TMX2: variants seen among roughly 807,000 people sequenced by gnomAD.
The protein encoded by TMX2 is thioredoxin-related transmembrane protein 2.
A neutral mutation model predicts 33.4 loss-of-function variants in TMX2; 20 were observed. The ratio of observed to expected loss-of-function variants is 0.60; its 90% CI spans 0.42 to 0.87. The LOEUF is 0.87. Ranked by LOEUF, TMX2 falls within the 40% of genes least tolerant of loss-of-function variation. TMX2 has a pLI of 0.00. For synonymous variants in TMX2, 166 were observed against 140.7 expected (o/e 1.18, Z -1.27); for missense variants, 340 against 370.7 (o/e 0.92, Z 0.68).
intron 1 of TMX2, among the ~76,000 whole-genome samples, chr11:57,719,555 C>T (rs1177014480): frequency 3.6e-5 from 4 of 111,350 alleles, no homozygotes; most frequent in African/African-American, 1.0e-4. Context: ...GGGTCTCACT[C>T]TGTTGCCCAG....
chr11:57,719,791 T>C (rs1947462999), intron 1 of TMX2, among the ~76,000 whole-genome samples: 1 of 151,934 alleles, frequency 6.6e-6, no homozygotes, highest in South Asian at 2.1e-4. Flanking sequence ...GTGCTGGGAC[T>C]ATAGGCATGA....
Position 57,718,776 on chromosome 11 carries a change from C to T in TMX2, c.189+5969C>T, listed in dbSNP as rs1241611588. On this transcript the variant is annotated intron_variant, in intron 1 of 7. Coordinates refer to ENST00000278422, the MANE Select transcript of TMX2 (RefSeq NM_015959.4). ...GTTCAAGTAATTCTCCTGCCTCAGC[C>T]TCCCGAGAAGCTGGGACTACAGGTG... Among the ~76,000 whole-genome samples the T allele has an allele frequency of 2.7e-5, 4 of 150,732 alleles. No individual in the cohort carries two copies. The East Asian group carries it at 5.9e-4, about 22-fold the overall frequency.
Position 57,738,224 on chromosome 11 carries a change from A to G in TMX2, c.365-130A>G, listed in dbSNP as rs1461852067. On this transcript the variant is annotated intron_variant, in intron 3 of 7. Coordinates refer to ENST00000278422, the MANE Select transcript of TMX2 (RefSeq NM_015959.4). Reference sequence around the variant, plus strand: ...GAGACTGTTATTGTAGAGGTAGGGAATGTGTTGGTGGTCTACATATATCCA... The same window carrying G: ...GAGACTGTTATTGTAGAGGTAGGGAGTGTGTTGGTGGTCTACATATATCCA... The G allele has an allele frequency of 3.9e-6, 3 of 768,784 alleles. No homozygotes were observed. The African/African-American group carries it at 5.2e-5, about 13-fold the overall frequency. 47.6% of individuals were successfully genotyped at this position (768,784 alleles called of 1,614,324 possible). A position where few individuals can be genotyped will look rare whatever the true frequency, so the allele number is the denominator to read the frequency against.
chr11:57,716,955 T>TG (rs1947145018), intron 1 of TMX2, among the ~76,000 whole-genome samples: 1 of 138,890 alleles, frequency 7.2e-6, no homozygotes, highest in Non-Finnish European at 1.5e-5. Context: ...ATGGGGCGGA[T>TG]GCTGGGCGGA....
At chr11:57,717,470 G>A (rs1947208940) in intron 1 of TMX2, among the ~76,000 whole-genome samples, 1 of 152,016 alleles carries the variant, frequency 6.6e-6, no homozygotes, top group African/African-American at 2.4e-5. Context: ...GGAGGCCAAG[G>A]CTGGCGGATC....
intron 1 of TMX2, among the ~76,000 whole-genome samples, chr11:57,727,375 G>C (rs137876911): frequency 1.4e-3 from 209 of 152,140 alleles, no homozygotes; most frequent in African/African-American, 4.9e-3. Context: ...TTCCTAGCAC[G>C]TTGGGACCTG....
At chr11:57,730,561 A>G (rs1948309461) in intron 1 of TMX2, among the ~76,000 whole-genome samples, 1 of 150,242 alleles carries the variant, frequency 6.7e-6, no homozygotes, top group African/African-American at 2.5e-5. Context: ...ACATGGCAAA[A>G]CTCCGTCTCT....
chr11:57,735,010 G>A (rs1227142272), intron 1 of TMX2, among the ~76,000 whole-genome samples: 2 of 149,974 alleles, frequency 1.3e-5, no homozygotes, highest in Admixed American at 1.3e-4. Flanking sequence ...GGCACCTGTA[G>A]TCCCAGCTAC....
chr11:57,734,977 T>TA (rs1948651265), intron 1 of TMX2, among the ~76,000 whole-genome samples: 1 of 148,630 alleles, frequency 6.7e-6, no homozygotes. Context: ...CTACTAAAAA[T>TA]ACAAAAGCCG....
chr11:57,724,611 TA>T (rs373663466), intron 1 of TMX2, among the ~76,000 whole-genome samples: 1,132 of 133,118 alleles, frequency 8.5e-3, no homozygotes, highest in Middle Eastern at 0.011. Flanking sequence ...GTCTGGGGAT[TA>T]AAAAAAAAAA....
In TMX2 at chr11:57,723,491, A is replaced by T. The variant is rs1462487610; in HGVS notation, c.189+10684A>T. Among the ~76,000 whole-genome samples, 3 of 146,498 alleles carry T rather than the reference A, an allele frequency of 2.0e-5. No homozygotes were observed. The Admixed American group carries it at 2.1e-4, about 10-fold the overall frequency. On this transcript the variant is annotated intron_variant, in intron 1 of 7. Coordinates refer to ENST00000278422, the MANE Select transcript of TMX2 (RefSeq NM_015959.4). ...AGAGCAAAACTCCGTCTCAAAAAAA[A>T]AAATTCATCGCAAAAAAAAAAAAAG...
intron 1 of TMX2, 46 bp from the exon 2 acceptor site, chr11:57,737,562 G>C: frequency 6.5e-7 from 1 of 1,537,692 alleles, no homozygotes; most frequent in Non-Finnish European, 9.0e-7. Context: ...ACCTAAGTTA[G>C]CTCTAGTCAC....
At chr11:57,727,589 C>T (rs948254849) in intron 1 of TMX2, among the ~76,000 whole-genome samples, 9 of 152,156 alleles carry the variant, frequency 5.9e-5, no homozygotes, top group Non-Finnish European at 1.2e-4. Flanking sequence ...TCCTATCTGA[C>T]TCTGGCATAA....
chr11:57,731,387 G>C (rs1278814275), intron 1 of TMX2, among the ~76,000 whole-genome samples: 1 of 145,562 alleles, frequency 6.9e-6, no homozygotes, highest in African/African-American at 2.5e-5. Context: ...GCCCGCCTCA[G>C]CCTCCCAAAG....
chr11:57,737,314 G>A (rs1030740202), intron 1 of TMX2, among the ~76,000 whole-genome samples: 11 of 152,138 alleles, frequency 7.2e-5, no homozygotes, highest in Admixed American at 2.6e-4. Flanking sequence ...CAGCTACCTG[G>A]GAGGCGGAGG....
intron 1 of TMX2, among the ~76,000 whole-genome samples, chr11:57,720,674 A>G (rs1320033943): frequency 3.3e-5 from 5 of 152,264 alleles, no homozygotes; most frequent in African/African-American, 1.2e-4. Flanking sequence ...CTGGGATTAC[A>G]GGCGTGAGCC....
At chr11:57,726,344 C>CGG (rs1406943355) in intron 1 of TMX2, among the ~76,000 whole-genome samples, 4 of 151,620 alleles carry the variant, frequency 2.6e-5, no homozygotes, top group Admixed American at 2.6e-4. Flanking sequence ...ACCCGGGAGG[C>CGG]GGAGGTTGCA....
Position 57,718,901 on chromosome 11 carries a change from C to T in TMX2, c.189+6094C>T, listed in dbSNP as rs186454641. 2.5e-3 allele frequency among the ~76,000 whole-genome samples: 376 copies of T among 151,472 alleles called. 7 individuals are homozygous for T. In the East Asian group the frequency reaches 0.03, roughly 12 times the overall value. ...TTAACTCCTGACCTCATGATCCGCC[C>T]GCCTTGGCCTCCCAAAGTGCTGGGA... On this transcript the variant is annotated intron_variant, in intron 1 of 7. Coordinates refer to ENST00000278422, the MANE Select transcript of TMX2 (RefSeq NM_015959.4).
At chr11:57,715,586 C>CTTTCTTTTT (rs772545282) in intron 1 of TMX2, among the ~76,000 whole-genome samples, 2 of 130,120 alleles carry the variant, frequency 1.5e-5, no homozygotes, top group Non-Finnish European at 3.1e-5. Flanking sequence ...AATTTGTTTT[C>CTTTCTTTTT]TTTTTTTTTT....
Sources: gnomAD v4.1 joint callset for allele counts (sites outside exome capture counted in the v4.1 genomes callset) on GRCh38, gnomAD v4.1.1 for gene constraint, MANE v1.5 for transcripts, NCBI Gene and HGNC (gene_info 2026-07-23, HGNC 2026-07-21) for gene names.